Variants in DGKG observed in about 807,000 individuals in gnomAD.
DGKG encodes the protein DAG kinase gamma.
DGKG carries 78 observed loss-of-function variants against 105.3 expected under a neutral mutation model. The observed-to-expected ratio is 0.74, with a 90% CI of 0.62 to 0.89. The LOEUF (loss-of-function observed/expected upper bound fraction) is 0.89. DGKG is among the 40% of genes least tolerant of loss of function. DGKG has a pLI of 0.00. For synonymous variants in DGKG, 346 were observed against 367.1 expected, an observed-to-expected ratio of 0.94 and a Z score of 0.66; for missense variants, 958 against 1,020.1, an observed-to-expected ratio of 0.94 and a Z score of 0.83.
chr3:186,160,800 G>C, intron 24 of DGKG: 1 of 985,452 alleles, frequency 1.0e-6, no homozygotes. Flanking sequence ...TTCACCACGA[G>C]ATTCTAGCTG....
At chr3:186,248,553 A>C (rs1264634879) in intron 19 of DGKG, among the ~76,000 whole-genome samples, 2 of 152,244 alleles carry the variant, frequency 1.3e-5, no homozygotes, top group Non-Finnish European at 2.9e-5. Flanking sequence ...CTTGTTAAAA[A>C]TGCCAGTTCC....
At position 186,150,142 on chromosome 3, in the gene DGKG, G is replaced by C. The variant is rs1354829061; in HGVS notation, c.2324C>G (p.Pro775Arg). Residue 775 changes from proline (P) to arginine (R), a missense_variant, in exon 25 of 25, where the codon CCC becomes CGC. Physicochemically the swap from Pro to Arg is moderately radical, Grantham distance 103. Transcript: ENST00000265022. ...KNQAPMMMGP[P>R]QKSSFFSLRR... ...CAACGAGAAGAAGCTGCTCTTCTGG[G>C]GAGGCCCCATCATCATGGGCGCTTG... 2 of 1,613,688 alleles carry C rather than the reference G, an allele frequency of 1.2e-6. No homozygotes were observed. Among genetic ancestry groups the C allele is most frequent in the Non-Finnish European group, 8.5e-7 (1 of 1,179,850 alleles).
At chr3:186,204,016 T>G (rs1021669380) in intron 21 of DGKG, among the ~76,000 whole-genome samples, 1 of 152,228 alleles carries the variant, frequency 6.6e-6, no homozygotes, top group East Asian at 1.9e-4. Flanking sequence ...TGCCCACAGC[T>G]GGAGCTTAAG....
At chr3:186,305,071 G>T (rs570778614) in intron 3 of DGKG, among the ~76,000 whole-genome samples, 22 of 152,230 alleles carry the variant, frequency 1.4e-4, no homozygotes, top group Non-Finnish European at 2.8e-4. Context: ...CCTGCTATAA[G>T]CCAGATACTT....
chr3:186,187,720 G>A (rs1330795505), intron 22 of DGKG, among the ~76,000 whole-genome samples: 2 of 152,172 alleles, frequency 1.3e-5, no homozygotes, highest in Admixed American at 1.3e-4. Flanking sequence ...ACCCTGCCTG[G>A]GGATCCTCCA....
chr3:186,324,300 C>T (rs555055806), intron 1 of DGKG, among the ~76,000 whole-genome samples: 39 of 152,010 alleles, frequency 2.6e-4, no homozygotes, highest in East Asian at 3.9e-4. Flanking sequence ...ATTTTTCATC[C>T]CTTGAACTTT....
At chr3:186,314,812 A>G (rs1341134649) in intron 2 of DGKG, among the ~76,000 whole-genome samples, 3 of 151,686 alleles carry the variant, frequency 2.0e-5, no homozygotes, top group Non-Finnish European at 4.4e-5. Flanking sequence ...CTGATGTAGG[A>G]AATGTTTGGT....
intron 19 of DGKG, among the ~76,000 whole-genome samples, chr3:186,244,787 G>A (rs191672173): frequency 3.9e-5 from 6 of 152,138 alleles, no homozygotes; most frequent in African/African-American, 1.2e-4. Flanking sequence ...TGAGATGTGC[G>A]GACCCCAGAG....
intron 1 of DGKG, among the ~76,000 whole-genome samples, chr3:186,329,687 T>C (rs1454427940): frequency 6.6e-6 from 1 of 152,244 alleles, no homozygotes; most frequent in Admixed American, 6.5e-5. Context: ...ACTTGACAAG[T>C]GCCCCATCTC....
intron 21 of DGKG, among the ~76,000 whole-genome samples, chr3:186,194,781 C>T (rs1718091406): frequency 2.4e-5 from 3 of 122,642 alleles, no homozygotes; most frequent in African/African-American, 9.2e-5. Context: ...CCATCTTCCA[C>T]GACTCTTTCT....
At chr3:186,246,759 G>A (rs962028223) in intron 19 of DGKG, among the ~76,000 whole-genome samples, 11 of 152,148 alleles carry the variant, frequency 7.2e-5, no homozygotes, top group African/African-American at 2.2e-4. Flanking sequence ...TGTGTAGGAC[G>A]CTTATCATGG....
chr3:186,201,016 C>A (rs966647261), intron 21 of DGKG, among the ~76,000 whole-genome samples: 5 of 152,138 alleles, frequency 3.3e-5, no homozygotes, highest in African/African-American at 2.4e-5. Flanking sequence ...CAGGAGTGAG[C>A]CGGCACTGGG....
At chr3:186,358,205 A>G (rs1727064927) in intron 1 of DGKG, among the ~76,000 whole-genome samples, 1 of 152,254 alleles carries the variant, frequency 6.6e-6, no homozygotes, top group South Asian at 2.1e-4. Context: ...AAAGGATTAG[A>G]CATGGTCTCT....
Position 186,147,753 on chromosome 3 carries a change from T to C in DGKG, c.*2337A>G, listed in dbSNP as rs975093267. On this transcript the variant is annotated 3_prime_UTR_variant, in exon 25 of 25. Coordinates refer to ENST00000265022, the MANE Select transcript of DGKG (RefSeq NM_001346.3). ...TAGCCTCAATCTTGGGGATCATGGC[T>C]GAAACACATGCACGAACTTCTGTAA... The C allele has an allele frequency of 2.5e-5, 25 of 985,268 alleles. No individual in the cohort carries two copies. Among genetic ancestry groups the C allele is most frequent in the Non-Finnish European group, 2.8e-5 (23 of 829,922 alleles). The allele number at this position is 985,268 out of a possible 1,614,324, so 61.0% of individuals were successfully genotyped here.
intron 2 of DGKG, among the ~76,000 whole-genome samples, chr3:186,309,131 T>A (rs1012998528): frequency 6.6e-6 from 1 of 152,010 alleles, no homozygotes; most frequent in African/African-American, 2.4e-5. Context: ...AACACCAAGT[T>A]GGGAAGAAGA....
At chr3:186,235,506 C>T (rs1720373903) in intron 20 of DGKG, among the ~76,000 whole-genome samples, 1 of 152,138 alleles carries the variant, frequency 6.6e-6, no homozygotes, top group Non-Finnish European at 1.5e-5. Context: ...AACCTTTATG[C>T]CTTGAGAAAG....
At chr3:186,330,956 A>G (rs1399420822) in intron 1 of DGKG, among the ~76,000 whole-genome samples, 3 of 152,234 alleles carry the variant, frequency 2.0e-5, no homozygotes, top group Non-Finnish European at 2.9e-5. Context: ...AAGCACTTTT[A>G]GGGGCAGGTT....
At chr3:186,230,746 G>A (rs1720113835) in intron 20 of DGKG, among the ~76,000 whole-genome samples, 1 of 152,186 alleles carries the variant, frequency 6.6e-6, no homozygotes, top group Non-Finnish European at 1.5e-5. Flanking sequence ...ACTGGGAAGT[G>A]AGGAGCACAG....
At chr3:186,272,636 G>A (rs940369299) in intron 10 of DGKG, among the ~76,000 whole-genome samples, 1 of 152,330 alleles carries the variant, frequency 6.6e-6, no homozygotes, top group East Asian at 1.9e-4. Flanking sequence ...TTCCTGAAGG[G>A]GAGTGTGCGG....
Sources: allele counts gnomAD v4.1 joint callset (sites outside exome capture counted in the v4.1 genomes callset), GRCh38; gene constraint gnomAD v4.1.1; transcripts MANE v1.5; gene names NCBI Gene and HGNC (gene_info 2026-07-23, HGNC 2026-07-21).